Variants in INPP4B observed in about 807,000 individuals in gnomAD.
INPP4B encodes inositol polyphosphate-4-phosphatase type II B.
A neutral mutation model predicts 122.5 loss-of-function variants in INPP4B; 55 were observed. The observed-to-expected ratio is 0.45, with a 90% CI of 0.36 to 0.56. The LOEUF is 0.56. INPP4B is among the 20% of genes least tolerant of loss of function. The pLI is 0.00. For synonymous variants in INPP4B, 403 were observed against 388.7 expected, an observed-to-expected ratio of 1.04 and a Z score of -0.43; for missense variants, 1,000 against 1,097.7, an observed-to-expected ratio of 0.91 and a Z score of 1.26.
Position 142,595,573 on chromosome 4 carries a change from T to A in INPP4B, c.-191+130266A>T, listed in dbSNP as rs144480797. Among the ~76,000 whole-genome samples, 408 of 152,332 alleles carry A rather than the reference T, an allele frequency of 2.7e-3. 6 individuals carry two copies. Among genetic ancestry groups the A allele is most frequent in the East Asian group, 0.018 (95 of 5,180 alleles). On this transcript the variant is annotated intron_variant, in intron 2 of 25. Transcript: ENST00000262992. Reference sequence around the variant, plus strand: ...TATGTTTATCCAGCAAAAATTGGTTTTTTTGAGAAGAAGAGAGAGTACTAT... The same window carrying A: ...TATGTTTATCCAGCAAAAATTGGTTATTTTGAGAAGAAGAGAGAGTACTAT...
chr4:142,317,525 C>G (rs1768189832), intron 7 of INPP4B: 1 of 237,890 alleles, frequency 4.2e-6, no homozygotes, highest in Admixed American at 4.2e-5. Flanking sequence ...TCCTGGTTGT[C>G]CCTCCACTGA....
intron 9 of INPP4B, among the ~76,000 whole-genome samples, chr4:142,272,248 T>C (rs969896079): frequency 3.9e-5 from 6 of 152,074 alleles, no homozygotes; most frequent in African/African-American, 1.4e-4. Context: ...ACCAAAATGC[T>C]AATTAAAATA....
At chr4:142,733,891 C>T (rs541979505) in intron 1 of INPP4B, among the ~76,000 whole-genome samples, 1 of 152,052 alleles carries the variant, frequency 6.6e-6, no homozygotes, top group East Asian at 1.9e-4. Flanking sequence ...TATATTCATA[C>T]AATGAAATGC....
chr4:142,423,823 A>T (rs1458183822), intron 5 of INPP4B: 3 of 428,136 alleles, frequency 7.0e-6, no homozygotes, highest in Non-Finnish European at 9.2e-6. Flanking sequence ...ATTTCCTATA[A>T]AAAAAAAAAC....
rs959012210 is a variant in INPP4B at position 142,386,552 on chromosome 4, A to G, written c.372+16386T>C. On this transcript the variant is annotated intron_variant, in intron 7 of 25. Coordinates refer to ENST00000262992, the MANE Select transcript of INPP4B (RefSeq NM_001101669.3). ...TGTAACAACAGCTGAGTCTTGGCCAATCCCAGCAGCAATACTTCAACCACT... is the reference window on the plus strand; with the variant it reads ...TGTAACAACAGCTGAGTCTTGGCCAGTCCCAGCAGCAATACTTCAACCACT... Among the ~76,000 whole-genome samples the G allele has an allele frequency of 3.3e-5, 5 of 152,206 alleles. No individual in the cohort carries two copies. The South Asian group carries it at 8.3e-4, about 25-fold the overall frequency.
At chr4:142,188,500 AAAAAAAAAAAG>A (rs1387937235) in intron 15 of INPP4B, among the ~76,000 whole-genome samples, 3,263 of 122,842 alleles carry the variant, frequency 0.027, 161 homozygotes, top group African/African-American at 0.1. Context: ...AAAAAAAAAA[AAAAAAAAAAAG>A]AAAAAAAATA....
chr4:142,186,673 T>C (rs1186293778), intron 15 of INPP4B, among the ~76,000 whole-genome samples: 1 of 152,224 alleles, frequency 6.6e-6, no homozygotes, highest in Non-Finnish European at 1.5e-5. Context: ...TACAAGCCTC[T>C]TTATTCTTTG....
intron 9 of INPP4B, among the ~76,000 whole-genome samples, chr4:142,297,316 A>G (rs1274541801): frequency 1.3e-5 from 2 of 152,242 alleles, no homozygotes; most frequent in African/African-American, 4.8e-5. Flanking sequence ...TGTTATATCC[A>G]GATCCAGAGT....
intron 21 of INPP4B, among the ~76,000 whole-genome samples, chr4:142,116,162 C>A (rs1175860823): frequency 1.3e-5 from 2 of 152,132 alleles, no homozygotes; most frequent in Non-Finnish European, 2.9e-5. Flanking sequence ...ATTCATAAAG[C>A]AAGTCCTTTG....
chr4:142,470,580 T>A (rs1232573034), intron 2 of INPP4B, among the ~76,000 whole-genome samples: 2 of 152,200 alleles, frequency 1.3e-5, no homozygotes, highest in Non-Finnish European at 2.9e-5. Flanking sequence ...GCACATCCTA[T>A]TTTAATACCC....
rs11100742 is a variant in INPP4B at position 142,082,578 on chromosome 4, T to C, written c.2488-393A>G. ...ACAAACAAACAACCAACCAAAAAACTATATTCCCTGGATCAAACAATTGAT... is the reference window on the plus strand; with the variant it reads ...ACAAACAAACAACCAACCAAAAAACCATATTCCCTGGATCAAACAATTGAT... On this transcript the variant is annotated intron_variant, in intron 24 of 25. Transcript: ENST00000262992. 1.0e-2 allele frequency among the ~76,000 whole-genome samples: 1,517 copies of C among 152,266 alleles called. 22 individuals carry two copies. The highest frequency in any genetic ancestry group is 0.034 in the African/African-American group (1,431 of 41,546).
chr4:142,313,752 C>CT (rs1766422237), intron 8 of INPP4B, among the ~76,000 whole-genome samples: 2 of 152,200 alleles, frequency 1.3e-5, no homozygotes, highest in Admixed American at 1.3e-4. Flanking sequence ...CTCAACTAGT[C>CT]CCAAGGAAGA....
rs151129538 is a variant in INPP4B at position 142,315,684 on chromosome 4, A to G, written c.373-922T>C. 2.0e-5 allele frequency among the ~76,000 whole-genome samples: 3 copies of G among 151,582 alleles called. No homozygotes were observed. The East Asian group carries it at 5.8e-4, about 29-fold the overall frequency. On this transcript the variant is annotated intron_variant, in intron 7 of 25. Coordinates refer to ENST00000262992, the MANE Select transcript of INPP4B (RefSeq NM_001101669.3). ...TGCTTCAGAAAAAGATAGGGAACAT[A>G]AGAAAAAACAAGAAACATATCTAGT...
intron 2 of INPP4B, among the ~76,000 whole-genome samples, chr4:142,622,248 C>T (rs540656757): frequency 2.0e-4 from 30 of 151,770 alleles, no homozygotes; most frequent in Non-Finnish European, 3.5e-4. Flanking sequence ...AACACTGATA[C>T]TTTTCATCAC....
At chr4:142,452,341 C>T (rs184022594) in intron 3 of INPP4B, among the ~76,000 whole-genome samples, 194 of 152,288 alleles carry the variant, frequency 1.3e-3, no homozygotes, top group Non-Finnish European at 1.7e-3. Flanking sequence ...AGCACATGGA[C>T]CCACTTTGGG....
chr4:142,310,413 C>CTTTTTTTTTTTTTTTTTTTTTTTTTT (rs1410086608), intron 8 of INPP4B, among the ~76,000 whole-genome samples: 3 of 151,688 alleles, frequency 2.0e-5, no homozygotes, highest in Admixed American at 6.6e-5. Flanking sequence ...TTTCTTTTTA[C>CTTTTTTTTTTTTTTTTTTTTTTTTTT]TTTTTAAAAA....
intron 7 of INPP4B, among the ~76,000 whole-genome samples, chr4:142,334,963 A>T (rs1776053625): frequency 6.6e-6 from 1 of 152,102 alleles, no homozygotes; most frequent in African/African-American, 2.4e-5. Flanking sequence ...TAGTGAAAGG[A>T]TAAATCTATT....
chr4:142,633,238 C>A (rs1748379843), intron 2 of INPP4B, among the ~76,000 whole-genome samples: 1 of 151,790 alleles, frequency 6.6e-6, no homozygotes, highest in Non-Finnish European at 1.5e-5. Flanking sequence ...ACTATAGTTT[C>A]AAAATATAGA....
At chr4:142,430,199 T>C (rs1028619634) in intron 4 of INPP4B, among the ~76,000 whole-genome samples, 1 of 152,150 alleles carries the variant, frequency 6.6e-6, no homozygotes, top group East Asian at 1.9e-4. Flanking sequence ...TTATTATTTA[T>C]TTTTGCACAG....
Sources: gnomAD v4.1 joint callset for allele counts (sites outside exome capture counted in the v4.1 genomes callset) on GRCh38, gnomAD v4.1.1 for gene constraint, MANE v1.5 for transcripts, NCBI Gene and HGNC (gene_info 2026-07-23, HGNC 2026-07-21) for gene names.